The following AFF2 variants were observed in gnomAD, a reference collection of about 807,000 sequenced individuals.
AFF2 encodes AF4/FMR2 family member 2.
A neutral mutation model predicts 76.9 loss-of-function variants in AFF2; 14 were observed. That is an observed-to-expected ratio of 0.18 (90% CI 0.12 to 0.28). AFF2 has a LOEUF of 0.28. Among genes scored for constraint, AFF2 ranks in the 10% least tolerant of loss-of-function variants. AFF2 has a pLI of 1.00. For synonymous variants in AFF2, 398 were observed against 366.7 expected (o/e 1.09, Z -0.98); for missense variants, 868 against 1,001.1 (o/e 0.87, Z 1.79).
In AFF2 at chrX:148,501,532, G is replaced by A. The variant is rs782425746; in HGVS notation, c.47+388G>A. Among the ~76,000 whole-genome samples the A allele has an allele frequency of 5.3e-5, 6 of 113,362 alleles. No individual in the cohort carries two copies. In the South Asian group the frequency reaches 2.1e-3, roughly 40 times the overall value. On this transcript the variant is annotated intron_variant, in intron 1 of 20. Transcript: ENST00000370460. Reference sequence around the variant, plus strand: ...CGCCCGAAATGTCTCAACTTTCCAGGTGCCCAACGCCCGCGGCGGGCCATG... The same window carrying A: ...CGCCCGAAATGTCTCAACTTTCCAGATGCCCAACGCCCGCGGCGGGCCATG...
intron 1 of AFF2, among the ~76,000 whole-genome samples, chrX:148,582,421 T>C (rs1172402766): frequency 1.8e-5 from 2 of 111,933 alleles, no homozygotes; most frequent in Non-Finnish European, 3.8e-5. Context: ...GAAGGACATA[T>C]GAATATGCTC....
intron 3 of AFF2, among the ~76,000 whole-genome samples, chrX:148,676,903 A>T (rs1160056903): frequency 9.0e-6 from 1 of 110,986 alleles, no homozygotes; most frequent in Non-Finnish European, 1.9e-5. Context: ...ATTAAAAGGT[A>T]AAGGGCATAA....
At chrX:148,719,759 A>C (rs1388530916) in intron 3 of AFF2, among the ~76,000 whole-genome samples, 2 of 111,810 alleles carry the variant, frequency 1.8e-5, no homozygotes, top group Non-Finnish European at 3.8e-5. Flanking sequence ...CTGAGTTTGA[A>C]GTCAGAATTA....
rs782372292 is a variant in AFF2 at position 148,956,136 on chromosome X, C to T, written c.2091C>T (p.Tyr697=). The part of the protein sequence containing the change: ...NIPLAPEKKK[Y]RGPGKIVPKS... ...CTTTGGCTCCCGAGAAGAAGAAGTA[C>T]AGAGGGCCTGGCAAGATTGTGCCAA... The change falls in exon 11 of 21, where the codon TAC becomes TAT. Residue 697 remains tyrosine, a synonymous_variant. Coordinates refer to ENST00000370460, the MANE Select transcript of AFF2 (RefSeq NM_002025.4). 6.6e-6 allele frequency: 8 copies of T among 1,208,491 alleles called. No individual in the cohort carries two copies. The South Asian group carries it at 1.4e-4, about 21-fold the overall frequency.
chrX:148,927,902 A>G (rs1557283963), intron 9 of AFF2, among the ~76,000 whole-genome samples: 1 of 112,202 alleles, frequency 8.9e-6, no homozygotes, highest in Admixed American at 9.5e-5. Context: ...TGGTATTTCC[A>G]TGTGCTGAGT....
At chrX:148,937,612 T>C (rs782623607) in intron 9 of AFF2, among the ~76,000 whole-genome samples, 1 of 111,870 alleles carries the variant, frequency 8.9e-6, no homozygotes, top group Non-Finnish European at 1.9e-5. Context: ...GTGTACAAGC[T>C]TGTACAAACA....
At chrX:148,541,798 T>A (rs2052860441) in intron 1 of AFF2, among the ~76,000 whole-genome samples, 1 of 110,031 alleles carries the variant, frequency 9.1e-6, no homozygotes, top group Non-Finnish European at 1.9e-5. Context: ...AGAGCTTCCA[T>A]TTGTAGAGTA....
intron 1 of AFF2, among the ~76,000 whole-genome samples, chrX:148,573,815 A>T (rs2053256805): frequency 9.0e-6 from 1 of 111,545 alleles, no homozygotes; most frequent in Admixed American, 9.6e-5. Context: ...TATTTCTTGT[A>T]TTTGGGGAGA....
chrX:148,535,199 G>T (rs782696105), intron 1 of AFF2, among the ~76,000 whole-genome samples: 2 of 111,877 alleles, frequency 1.8e-5, no homozygotes, highest in South Asian at 7.5e-4. Flanking sequence ...CATCATTGTG[G>T]TTATTATGAT....
intron 3 of AFF2, among the ~76,000 whole-genome samples, chrX:148,762,486 G>GTGTC (rs1401543313): frequency 9.7e-6 from 1 of 103,532 alleles, no homozygotes; most frequent in African/African-American, 3.9e-5. Flanking sequence ...GTATATGTGT[G>GTGTC]TGTGTGTGTG....
chrX:148,706,231 A>G (rs1458497740), intron 3 of AFF2, among the ~76,000 whole-genome samples: 1 of 112,142 alleles, frequency 8.9e-6, no homozygotes. Context: ...TCTGGTAGCC[A>G]TTCTAGCTAC....
At chrX:148,675,252 A>C (rs1557259383) in intron 3 of AFF2, among the ~76,000 whole-genome samples, 1 of 110,789 alleles carries the variant, frequency 9.0e-6, no homozygotes, top group African/African-American at 3.3e-5. Context: ...GAGGTTCAGC[A>C]AGGGCTTTGG....
chrX:148,969,946 A>G lies in AFF2; in HGVS notation c.3267+2254A>G, dbSNP rs147392250. On this transcript the variant is annotated intron_variant, in intron 15 of 20. Coordinates refer to ENST00000370460, the MANE Select transcript of AFF2 (RefSeq NM_002025.4). The stretch of plus-strand genomic sequence containing the variant: ...CTATTAATTGGCACTATAGTCATGT[A>G]ATTTTCTGTCTGGACATCAGCTACT... Among the ~76,000 whole-genome samples, 32 of 111,540 alleles carry G rather than the reference A, an allele frequency of 2.9e-4. No individual in the cohort carries two copies. In the East Asian group the frequency reaches 8.5e-3, roughly 30 times the overall value.
chrX:148,673,433 C>A (rs2054446856), intron 3 of AFF2, among the ~76,000 whole-genome samples: 1 of 111,711 alleles, frequency 9.0e-6, no homozygotes, highest in Non-Finnish European at 1.9e-5. Flanking sequence ...AGCATCATGA[C>A]AATCTCTGCC....
intron 3 of AFF2, among the ~76,000 whole-genome samples, chrX:148,737,814 G>T (rs1226283388): frequency 1.8e-5 from 2 of 111,646 alleles, no homozygotes; most frequent in Non-Finnish European, 3.8e-5. Context: ...TTTGCTGAGA[G>T]TTTTAATCAT....
At chrX:148,601,079 C>A (rs782179297) in intron 1 of AFF2, among the ~76,000 whole-genome samples, 1 of 112,542 alleles carries the variant, frequency 8.9e-6, no homozygotes, top group Non-Finnish European at 1.9e-5. Context: ...ATTCTGAGAG[C>A]GTTTCTTTTA....
chrX:148,717,620 A>T (rs1233834539), intron 3 of AFF2, among the ~76,000 whole-genome samples: 1 of 111,865 alleles, frequency 8.9e-6, no homozygotes, highest in Non-Finnish European at 1.9e-5. Context: ...TGGATTGCAG[A>T]ATTGGAGTGC....
rs781865594 is a variant in AFF2, at chrX:148,991,841, C to T, written c.*509C>T. The T allele has an allele frequency of 2.7e-5, 3 of 112,212 alleles. No homozygotes were observed. The South Asian group carries it at 1.1e-3, about 42-fold the overall frequency. The allele number at this position is 112,212 out of a possible 1,213,427, so 9.2% of individuals were successfully genotyped here. A position where few individuals can be genotyped will look rare whatever the true frequency, so the allele number is the denominator to read the frequency against. ...ATCTTCAGGTGAGAATTTTCATTGTCAAAACCCACTGGTTAGATGTTGTAG... is the reference window on the plus strand; with the variant it reads ...ATCTTCAGGTGAGAATTTTCATTGTTAAAACCCACTGGTTAGATGTTGTAG... On this transcript the variant is annotated 3_prime_UTR_variant, in exon 21 of 21. Coordinates refer to ENST00000370460, the MANE Select transcript of AFF2 (RefSeq NM_002025.4).
At position 148,967,656 on chromosome X, in the gene AFF2, A is replaced by G. The variant is rs1557288989; in HGVS notation, c.3231A>G (p.Gln1077=). Residue 1077 remains glutamine (Q), a synonymous_variant, in exon 15 of 21, where the codon CAA becomes CAG. Coordinates refer to ENST00000370460, the MANE Select transcript of AFF2 (RefSeq NM_002025.4). ...TTCACAATGCTGATTATTACATGCA[A>G]GAAGCTAAGAAGCTGAAGCACAAAG... The part of the protein sequence containing the change: ...DSVHNADYYM[Q]EAKKLKHKAD... The G allele has an allele frequency of 1.7e-6, 2 of 1,210,396 alleles. No homozygotes were observed. Among genetic ancestry groups the G allele is most frequent in the Admixed American group, 4.3e-5 (2 of 46,053 alleles).
Sources: gnomAD v4.1 joint callset for allele counts (sites outside exome capture counted in the v4.1 genomes callset) on GRCh38, gnomAD v4.1.1 for gene constraint, MANE v1.5 for transcripts, NCBI Gene and HGNC (gene_info 2026-07-23, HGNC 2026-07-21) for gene names.